The following BARX2 variants were observed in gnomAD, a reference collection of about 807,000 sequenced individuals.
The protein encoded by BARX2 is homeobox protein BarH-like 2.
In BARX2, 11 loss-of-function variants were observed where a neutral mutation model predicts 25.5. That is an observed-to-expected ratio of 0.43 (90% CI 0.27 to 0.71). BARX2 has a LOEUF of 0.71. BARX2 is among the 30% of genes least tolerant of loss of function. The pLI is 0.19. For missense variants in BARX2, 360 were observed against 359.9 expected (o/e 1.00, Z 0.00); for synonymous variants, 137 against 149.5 (o/e 0.92, Z 0.61).
chr11:129,438,025 T>TAAAAAAA (rs11456583), intron 2 of BARX2: 1 of 141,386 alleles, frequency 7.1e-6, no homozygotes, highest in Non-Finnish European at 1.5e-5. Flanking sequence ...CCTGTCTCCT[T>TAAAAAAA]AAAAAAAAAA....
intron 1 of BARX2, among the ~76,000 whole-genome samples, chr11:129,418,493 G>A (rs1412535844): frequency 6.6e-6 from 1 of 152,152 alleles, no homozygotes; most frequent in African/African-American, 2.4e-5. Context: ...CAGTCAGGGA[G>A]AAACCTCTCC....
At chr11:129,428,212 A>G (rs981608829) in intron 1 of BARX2, among the ~76,000 whole-genome samples, 23 of 152,228 alleles carry the variant, frequency 1.5e-4, no homozygotes, top group African/African-American at 5.5e-4. Flanking sequence ...TATTACAGTC[A>G]TCACACTGTC....
At chr11:129,404,613 C>T (rs1861810772) in intron 1 of BARX2, among the ~76,000 whole-genome samples, 1 of 152,212 alleles carries the variant, frequency 6.6e-6, no homozygotes, top group Non-Finnish European at 1.5e-5. Flanking sequence ...GTTACCTGTT[C>T]TGCGAGAGTA....
At chr11:129,387,175 G>A (rs554354839) in intron 1 of BARX2, among the ~76,000 whole-genome samples, 61 of 152,236 alleles carry the variant, frequency 4.0e-4, no homozygotes, top group African/African-American at 8.9e-4. Context: ...TTACTCTTTC[G>A]ACCTCCTGGA....
rs769187846 is a variant in BARX2, at chr11:129,451,226, GAGA to G, written c.668_670del (p.Lys223del). 2.5e-6 allele frequency: 4 copies of G among 1,614,192 alleles called. No individual in the cohort carries two copies. The highest frequency in any genetic ancestry group is 3.4e-6 in the Non-Finnish European group (4 of 1,180,026). On this transcript the variant is annotated inframe_deletion, in exon 4 of 4. Coordinates refer to ENST00000281437, the MANE Select transcript of BARX2 (RefSeq NM_003658.5). Reference sequence around the variant, plus strand: ...CACATCAGAAGAGATTGAAGCTGAAGAGAAGATGAACAGCCAGGCCCAGGGTCA... The same window carrying G: ...CACATCAGAAGAGATTGAAGCTGAAGAGATGAACAGCCAGGCCCAGGGTCA...
At chr11:129,413,721 G>A (rs1402039263) in intron 1 of BARX2, among the ~76,000 whole-genome samples, 1 of 152,106 alleles carries the variant, frequency 6.6e-6, no homozygotes, top group Non-Finnish European at 1.5e-5. Flanking sequence ...GGTGTCATCG[G>A]CACCTTGGAG....
rs1187040350 is a variant in BARX2 at position 129,431,322 on chromosome 11, TG to T, written c.188-5428del. ...ACTTGGGTTAATATCTGGGGGGTTT[TG>T]CTAGGTCAAATGGTAAGCGTTTGTT... On this transcript the variant is annotated intron_variant, in intron 1 of 3. Transcript: ENST00000281437. 2.6e-5 allele frequency among the ~76,000 whole-genome samples: 4 copies of T among 152,218 alleles called. No individual in the cohort carries two copies. In the East Asian group the frequency reaches 7.7e-4, roughly 29 times the overall value.
In BARX2 at chr11:129,377,297, C is replaced by T. The variant is rs900664992; in HGVS notation, c.187+1075C>T. ...ACATTTGAGTTGTTAATGCTCAATG[C>T]GTGGAATCCTGTATTTTCTCTTGGT... On this transcript the variant is annotated intron_variant, in intron 1 of 3. Coordinates refer to ENST00000281437, the MANE Select transcript of BARX2 (RefSeq NM_003658.5). Among the ~76,000 whole-genome samples the T allele has an allele frequency of 3.3e-5, 5 of 152,160 alleles. No homozygotes were observed. The East Asian group carries it at 5.8e-4, about 18-fold the overall frequency.
intron 1 of BARX2, among the ~76,000 whole-genome samples, chr11:129,419,385 T>C (rs1861979135): frequency 6.6e-6 from 1 of 152,162 alleles, no homozygotes; most frequent in South Asian, 2.1e-4. Context: ...TGTGGGAAAA[T>C]TGGTTTCTTA....
rs1403405274 is a variant in BARX2, at chr11:129,452,050, T to TG, written c.*649dup. 1 of 152,024 alleles carries TG rather than the reference T, an allele frequency of 6.6e-6. No individual in the cohort carries two copies. The highest frequency in any genetic ancestry group is 2.4e-5 in the African/African-American group (1 of 41,376). 9.4% of individuals were successfully genotyped at this position (152,024 alleles called of 1,614,324 possible). ...CTTTGGTTTTTTTTTTGTTTTGTTT[T>TG]GTTTTTTGCTTCATTTACCCATTCA... On this transcript the variant is annotated 3_prime_UTR_variant, in exon 4 of 4. Coordinates refer to ENST00000281437, the MANE Select transcript of BARX2 (RefSeq NM_003658.5).
At chr11:129,441,505 G>A (rs61911244) in intron 2 of BARX2, among the ~76,000 whole-genome samples, 1,918 of 152,210 alleles carry the variant, frequency 0.013, 26 homozygotes, top group Middle Eastern at 0.024. Flanking sequence ...CTGCAGTGCC[G>A]TGGCGCCATC....
chr11:129,423,995 G>T (rs1862037479), intron 1 of BARX2, among the ~76,000 whole-genome samples: 2 of 151,992 alleles, frequency 1.3e-5, no homozygotes, highest in South Asian at 4.1e-4. Flanking sequence ...GACTACAGGT[G>T]CCTGCCACCA....
chr11:129,444,225 AG>A (rs1336083903), intron 3 of BARX2, among the ~76,000 whole-genome samples: 6 of 148,944 alleles, frequency 4.0e-5, no homozygotes, highest in Admixed American at 3.3e-4. Context: ...AACAATGAGG[AG>A]AAAAAAAAAA....
intron 1 of BARX2, among the ~76,000 whole-genome samples, chr11:129,384,243 T>TA (rs1861597223): frequency 2.0e-5 from 3 of 152,164 alleles, no homozygotes; most frequent in Admixed American, 6.5e-5. Context: ...TTTTTTTTTT[T>TA]TAAAAAACCA....
chr11:129,379,582 G>A lies in BARX2; in HGVS notation c.187+3360G>A, dbSNP rs1861539807. 2.0e-5 allele frequency among the ~76,000 whole-genome samples: 3 copies of A among 152,024 alleles called. No individual in the cohort carries two copies. In the South Asian group the frequency reaches 6.2e-4, roughly 32 times the overall value. On this transcript the variant is annotated intron_variant, in intron 1 of 3. Transcript: ENST00000281437. ...CCACTTGAAGAAAGCTGGTTTCTTG[G>A]GGTAGAATAGTTTGTGGAAGCATCG... is the stretch of plus-strand genomic sequence containing the variant.
intron 1 of BARX2, among the ~76,000 whole-genome samples, chr11:129,403,964 A>T (rs1861802990): frequency 6.6e-6 from 1 of 152,236 alleles, no homozygotes. Flanking sequence ...TGAAAGGCAC[A>T]GAAAGGTCAG....
At chr11:129,439,999 G>T (rs1312518286) in intron 2 of BARX2, among the ~76,000 whole-genome samples, 2 of 152,202 alleles carry the variant, frequency 1.3e-5, no homozygotes, top group African/African-American at 2.4e-5. Context: ...ACCTACACAG[G>T]ATTGATTCAC....
intron 1 of BARX2, among the ~76,000 whole-genome samples, chr11:129,377,329 G>C (rs560844261): frequency 8.5e-5 from 13 of 152,186 alleles, no homozygotes; most frequent in Non-Finnish European, 1.6e-4. Flanking sequence ...TGGTTCCATT[G>C]ATAGTCCCTA....
chr11:129,378,900 C>T (rs1479001294), intron 1 of BARX2, among the ~76,000 whole-genome samples: 1 of 149,814 alleles, frequency 6.7e-6, no homozygotes. Flanking sequence ...ATTTAGTAAC[C>T]TAAAGGTCAA....
Sources: gnomAD v4.1 joint callset for allele counts (sites outside exome capture counted in the v4.1 genomes callset) on GRCh38, gnomAD v4.1.1 for gene constraint, MANE v1.5 for transcripts, NCBI Gene and HGNC (gene_info 2026-07-23, HGNC 2026-07-21) for gene names.